SLC60A2: variants seen among roughly 807,000 people sequenced by gnomAD.
SLC60A2 encodes the protein solute carrier family 60 member 2.
the SLC60A2 span, among the ~76,000 whole-genome samples, chr6:111,276,617 TAATG>T: frequency 6.6e-6 from 1 of 152,206 alleles, no homozygotes. Flanking sequence ...GACTAAGTAT[TAATG>T]AACTTTCTTT....
chr6:111,279,727 G>T, the SLC60A2 span, among the ~76,000 whole-genome samples: 14 of 152,220 alleles, frequency 9.2e-5, no homozygotes, highest in East Asian at 2.7e-3. Context: ...TTTTGATTTG[G>T]GGGGCTTAAC....
chr6:111,271,787 A>AAAAAAAAAAT, the SLC60A2 span, among the ~76,000 whole-genome samples: 1 of 103,560 alleles, frequency 9.7e-6, no homozygotes, highest in Admixed American at 1.1e-4. Context: ...AAAAAAAAAA[A>AAAAAAAAAAT]AAAAAAAAAA....
the SLC60A2 span, chr6:111,265,152 C>T: frequency 2.8e-6 from 1 of 353,450 alleles, no homozygotes. Context: ...TCTACCCCTC[C>T]CTTCCCTGCT....
chr6:111,275,748 A>G, the SLC60A2 span, among the ~76,000 whole-genome samples: 3 of 152,212 alleles, frequency 2.0e-5, no homozygotes, highest in Non-Finnish European at 4.4e-5. Context: ...TGCTTTTCCA[A>G]TAAAAATTAT....
chr6:111,261,251 A>C, the SLC60A2 span, among the ~76,000 whole-genome samples: 3 of 152,230 alleles, frequency 2.0e-5, no homozygotes, highest in Non-Finnish European at 4.4e-5. Context: ...GTTCAGGGGA[A>C]GGACTCCATG....
At chr6:111,279,451 C>T in the SLC60A2 span, among the ~76,000 whole-genome samples, 2 of 151,604 alleles carry the variant, frequency 1.3e-5, no homozygotes, top group East Asian at 3.9e-4. Context: ...GGTTTCACCA[C>T]GTTAGCCAGG....
chr6:111,279,391 G>T, the SLC60A2 span, among the ~76,000 whole-genome samples: 2 of 151,886 alleles, frequency 1.3e-5, no homozygotes, highest in Non-Finnish European at 2.9e-5. Context: ...TGGGACTACA[G>T]GCGCCCACCA....
the SLC60A2 span, chr6:111,259,532 C>A: frequency 8.6e-6 from 5 of 578,842 alleles, no homozygotes; most frequent in Non-Finnish European, 1.4e-5. Flanking sequence ...TCTCCGGAGC[C>A]GCCGAGCTGG....
At chr6:111,275,366 A>T in the SLC60A2 span, among the ~76,000 whole-genome samples, 14 of 151,546 alleles carry the variant, frequency 9.2e-5, no homozygotes, top group African/African-American at 3.2e-4. Context: ...TTGAAGTTAG[A>T]TGACATGAGT....
the SLC60A2 span, among the ~76,000 whole-genome samples, chr6:111,275,629 T>C: frequency 6.6e-6 from 1 of 152,080 alleles, no homozygotes; most frequent in Non-Finnish European, 1.5e-5. Flanking sequence ...AGGCTGGTCT[T>C]GAACTGCTGA....
chr6:111,266,105 T>G, the SLC60A2 span: 3 of 1,614,228 alleles, frequency 1.9e-6, no homozygotes, highest in South Asian at 3.3e-5. Flanking sequence ...ATGATAAGAA[T>G]TTACTGTGGG....
chr6:111,278,244 C>T, the SLC60A2 span: 5 of 152,134 alleles, frequency 3.3e-5, no homozygotes, highest in African/African-American at 1.2e-4. Context: ...GTAACTGCCT[C>T]ATGTAATTAT....
At chr6:111,266,041 C>T in the SLC60A2 span, 1 of 1,614,208 alleles carries the variant, frequency 6.2e-7, no homozygotes, top group Non-Finnish European at 8.5e-7. Flanking sequence ...GACTTCCATC[C>T]TGCACTCAAC....
chr6:111,275,926 A>T, the SLC60A2 span, among the ~76,000 whole-genome samples: 2 of 152,182 alleles, frequency 1.3e-5, no homozygotes, highest in African/African-American at 4.8e-5. Flanking sequence ...TTAAACAGTA[A>T]CTGCCATTCT....
the SLC60A2 span, among the ~76,000 whole-genome samples, chr6:111,279,299 T>C: frequency 9.9e-5 from 15 of 151,642 alleles, no homozygotes; most frequent in African/African-American, 3.4e-4. Flanking sequence ...TCTCGCTCTA[T>C]TGCCCAGGCT....
At chr6:111,262,431 T>C in the SLC60A2 span, 3 of 1,607,464 alleles carry the variant, frequency 1.9e-6, no homozygotes, top group Non-Finnish European at 2.6e-6. Flanking sequence ...TTTGGGTAAG[T>C]AAATGCTAAT....
chr6:111,262,886 G>A, the SLC60A2 span, among the ~76,000 whole-genome samples: 3 of 152,072 alleles, frequency 2.0e-5, no homozygotes, highest in Non-Finnish European at 2.9e-5. Context: ...CCATGTTGTC[G>A]TTGGACAACC....
the SLC60A2 span, chr6:111,266,122 C>T: frequency 6.2e-7 from 1 of 1,614,170 alleles, no homozygotes. Context: ...TGGGCTTATG[C>T]TGTTATCGGT....
the SLC60A2 span, chr6:111,265,868 A>G: frequency 6.4e-7 from 1 of 1,567,458 alleles, no homozygotes; most frequent in Non-Finnish European, 8.6e-7. Context: ...CCCATCTTTC[A>G]TCGACAGGTG....
Sources: allele counts gnomAD v4.1 joint callset (sites outside exome capture counted in the v4.1 genomes callset), GRCh38; gene constraint gnomAD v4.1.1; transcripts MANE v1.5; gene names NCBI Gene and HGNC (gene_info 2026-07-23, HGNC 2026-07-21).